ARID3B: variants seen among roughly 807,000 people sequenced by gnomAD.
ARID3B encodes the protein AT-rich interaction domain 3B.
Under a neutral mutation model 51.9 loss-of-function variants are expected in ARID3B, and 10 were observed. The ratio of observed to expected loss-of-function variants is 0.19; its 90% confidence interval spans 0.12 to 0.33. ARID3B has a LOEUF of 0.33. Among genes scored for constraint, ARID3B ranks in the 10% least tolerant of loss-of-function variants. The pLI is 1.00. For missense variants in ARID3B, 483 were observed against 716.3 expected (o/e 0.67, Z 3.72); for synonymous variants, 205 against 279.5 (o/e 0.73, Z 2.66).
chr15:74,544,840 G>A, intron 2 of ARID3B, among the ~76,000 whole-genome samples: 1 of 151,928 alleles, frequency 6.6e-6, no homozygotes, highest in African/African-American at 2.4e-5. Context: ...ATAGGCGCGT[G>A]CCACTATGCC....
chr15:74,565,028 T>G (rs2061692608), intron 2 of ARID3B, among the ~76,000 whole-genome samples: 1 of 151,886 alleles, frequency 6.6e-6, no homozygotes, highest in African/African-American at 2.4e-5. Context: ...TCTGTGTCTT[T>G]TTTTTTTAAA....
intron 4 of ARID3B, among the ~76,000 whole-genome samples, chr15:74,587,772 T>G (rs1162090965): frequency 6.6e-6 from 1 of 152,200 alleles, no homozygotes; most frequent in Non-Finnish European, 1.5e-5. Context: ...AGAACAGCAC[T>G]GGGAGAAGTC....
rs570549141 is a variant in ARID3B, at chr15:74,564,021, A to G, written c.553-8841A>G. ...CTCTTTTCCAAGCCACTGAGTTTGA[A>G]TTGATCTCCGCTGCTAGCAAGAGGT... On this transcript the variant is annotated intron_variant, in intron 2 of 8. Coordinates refer to ENST00000346246, the MANE Select transcript of ARID3B (RefSeq NM_006465.4). 1.1e-4 allele frequency among the ~76,000 whole-genome samples: 16 copies of G among 152,290 alleles called. No individual in the cohort carries two copies. The East Asian group carries it at 3.1e-3, about 29-fold the overall frequency.
At chr15:74,565,383 A>T (rs946932240) in intron 2 of ARID3B, among the ~76,000 whole-genome samples, 1 of 152,292 alleles carries the variant, frequency 6.6e-6, no homozygotes, top group South Asian at 2.1e-4. Context: ...AAGAATCTCT[A>T]TAAAAGTTGT....
rs1567123487 is a variant in ARID3B at position 74,577,966 on chromosome 15, T to C, written c.697+4762T>C. Among the ~76,000 whole-genome samples the C allele has an allele frequency of 2.6e-5, 4 of 152,286 alleles. No homozygotes were observed. In the East Asian group the frequency reaches 7.7e-4, roughly 29 times the overall value. On this transcript the variant is annotated intron_variant, in intron 4 of 8. Transcript: ENST00000346246. ...TTCCCATCCCGGGTTCAAGTGATTC[T>C]CGTGCCTCAGCCTCCCAAGTAGCTG...
chr15:74,564,266 C>G (rs1284302461), intron 2 of ARID3B, among the ~76,000 whole-genome samples: 1 of 152,182 alleles, frequency 6.6e-6, no homozygotes, highest in African/African-American at 2.4e-5. Flanking sequence ...GTAATCCTGC[C>G]CATTATGCCT....
At chr15:74,582,034 C>T (rs957153378) in intron 4 of ARID3B, among the ~76,000 whole-genome samples, 3 of 152,228 alleles carry the variant, frequency 2.0e-5, no homozygotes, top group African/African-American at 7.2e-5. Context: ...TGCCCCAGCC[C>T]AGCCAGCCTT....
chr15:74,542,362 C>T (rs1377099217), intron 1 of ARID3B, among the ~76,000 whole-genome samples: 1 of 152,194 alleles, frequency 6.6e-6, no homozygotes, highest in Non-Finnish European at 1.5e-5. Context: ...GCGTAACTCA[C>T]ACTTTCTGAA....
chr15:74,556,944 T>A (rs572739344), intron 2 of ARID3B, among the ~76,000 whole-genome samples: 83 of 152,016 alleles, frequency 5.5e-4, no homozygotes, highest in Non-Finnish European at 1.1e-3. Context: ...CCAGCTAATT[T>A]TTGTATTTTT....
chr15:74,577,697 T>G (rs8025976), intron 4 of ARID3B, among the ~76,000 whole-genome samples: 36,065 of 151,372 alleles, frequency 0.24, 5,616 homozygotes, highest in East Asian at 0.54. Context: ...AATTTTTCTG[T>G]TTTTTTGTGT....
rs1332630949 is a variant in ARID3B at position 74,591,417 on chromosome 15, C to G, written c.1148C>G (p.Ala383Gly). The change falls in exon 6 of 9, where the codon GCA (alanine) becomes GGA (glycine). Residue 383 changes from alanine to glycine, a missense_variant. Coordinates refer to ENST00000346246, the MANE Select transcript of ARID3B (RefSeq NM_006465.4). This position sits in a 1 kb window ranked among gnomAD's most constrained non-coding sequence, Gnocchi z 5.8. ...TNTSSPRISP[A>G]TTLRKGDGAP... ...ACCAGTAGCCCTCGGATATCCCCAG[C>G]AACCACTCTCAGGAAAGGTCAGCAG... 3.1e-6 allele frequency: 5 copies of G among 1,604,776 alleles called. 1 individual carries two copies. In the Admixed American group the frequency reaches 8.4e-5, roughly 27 times the overall value.
chr15:74,543,757 C>T (rs1301144657), intron 1 of ARID3B, 103 bp from the exon 2 acceptor site: 9 of 709,754 alleles, frequency 1.3e-5, no homozygotes, highest in Non-Finnish European at 2.0e-5. Context: ...GTTTAGCGTT[C>T]GGAACTCATG....
At chr15:74,594,178 G>T (rs973123585) in intron 8 of ARID3B, among the ~76,000 whole-genome samples, 3 of 152,354 alleles carry the variant, frequency 2.0e-5, no homozygotes, top group Non-Finnish European at 4.4e-5. Flanking sequence ...GCTGGGCGCG[G>T]TGGCTCACGC....
At chr15:74,581,547 A>G (rs777633492) in intron 4 of ARID3B, among the ~76,000 whole-genome samples, 3 of 152,146 alleles carry the variant, frequency 2.0e-5, no homozygotes, top group Non-Finnish European at 4.4e-5. Context: ...TAAAATGCAA[A>G]TCTTTTAGTG....
At chr15:74,550,792 C>G (rs1596250509) in intron 2 of ARID3B, among the ~76,000 whole-genome samples, 1 of 152,254 alleles carries the variant, frequency 6.6e-6, no homozygotes, top group African/African-American at 2.4e-5. Context: ...ATCTGCCTCT[C>G]TGAACCCATG....
At chr15:74,555,984 G>C (rs182517378) in intron 2 of ARID3B, among the ~76,000 whole-genome samples, 1 of 151,496 alleles carries the variant, frequency 6.6e-6, no homozygotes, top group Non-Finnish European at 1.5e-5. Context: ...AGTAGAGACG[G>C]GGTTTCACCG....
rs1048813266 is a variant in ARID3B, at chr15:74,597,639, G to A, written c.*1865G>A. Reference sequence around the variant, plus strand: ...GAGGAGCCCAGTTGGCTGGCACTGGGCCCATTTGAAGGTGTCTCAGACATT... The same window carrying A: ...GAGGAGCCCAGTTGGCTGGCACTGGACCCATTTGAAGGTGTCTCAGACATT... On this transcript the variant is annotated 3_prime_UTR_variant, in exon 9 of 9. Coordinates refer to ENST00000346246, the MANE Select transcript of ARID3B (RefSeq NM_006465.4). The A allele has an allele frequency of 7.5e-6, 4 of 533,212 alleles. No homozygotes were observed. Among genetic ancestry groups the A allele is most frequent in the African/African-American group, 7.4e-5 (4 of 53,730 alleles). The allele number at this position is 533,212 out of a possible 1,614,324, so 33.0% of individuals were successfully genotyped here. A position where few individuals can be genotyped will look rare whatever the true frequency, so the allele number is the denominator to read the frequency against.
intron 2 of ARID3B, among the ~76,000 whole-genome samples, chr15:74,572,215 C>G (rs1305189143): frequency 1.3e-5 from 2 of 152,120 alleles, no homozygotes; most frequent in Non-Finnish European, 2.9e-5. Flanking sequence ...TGCTTCAACC[C>G]AATCAATTAA....
intron 2 of ARID3B, among the ~76,000 whole-genome samples, chr15:74,572,461 G>A (rs541638705): frequency 2.0e-5 from 3 of 152,228 alleles, no homozygotes; most frequent in South Asian, 4.1e-4. Flanking sequence ...ACCAGGCAAG[G>A]TGTCTTCCCA....
Sources: allele counts gnomAD v4.1 joint callset (sites outside exome capture counted in the v4.1 genomes callset), GRCh38; gene constraint gnomAD v4.1.1; non-coding constraint Gnocchi (gnomAD v3.1); transcripts MANE v1.5; gene names NCBI Gene and HGNC (gene_info 2026-07-23, HGNC 2026-07-21).